The following EPHA5 variants were observed in gnomAD, a reference collection of about 807,000 sequenced individuals.
EPHA5 encodes ephrin type-A receptor 5.
EPHA5 carries 60 observed loss-of-function variants against 105.0 expected under a neutral mutation model. The observed-to-expected ratio is 0.57, with a 90% CI of 0.46 to 0.71. EPHA5 has a LOEUF of 0.71. EPHA5 is among the 30% of genes least tolerant of loss of function. The pLI, the probability that EPHA5 is intolerant of heterozygous loss-of-function variation, is 0.00. For missense variants in EPHA5, 1,218 were observed against 1,274.7 expected (o/e 0.96, Z 0.68); for synonymous variants, 513 against 449.1 (o/e 1.14, Z -1.80).
At chr4:65,535,907 C>T (rs1285359111) in intron 3 of EPHA5, among the ~76,000 whole-genome samples, 3 of 151,356 alleles carry the variant, frequency 2.0e-5, no homozygotes, top group African/African-American at 7.3e-5. Flanking sequence ...AGTAAGTTAC[C>T]CATTTAGGTA....
At position 65,388,262 on chromosome 4, in the gene EPHA5, G is replaced by A. The variant is rs906987321; in HGVS notation, c.1793+16112C>T. Among the ~76,000 whole-genome samples, 61 of 151,166 alleles carry A rather than the reference G, an allele frequency of 4.0e-4. 1 individual carries two copies. Among genetic ancestry groups the A allele is most frequent in the Admixed American group, 3.0e-3 (45 of 15,134 alleles). On this transcript the variant is annotated intron_variant, in intron 8 of 16. Coordinates refer to ENST00000613740, the MANE Select transcript of EPHA5 (RefSeq NM_001281766.3). The stretch of plus-strand genomic sequence containing the variant: ...TTCCAAGTCTTTGCTATTGTGAATA[G>A]TGCCACAATAAACATACGTGTGCAT...
At chr4:65,668,990 A>C (rs893708229) in intron 1 of EPHA5, among the ~76,000 whole-genome samples, 2 of 151,842 alleles carry the variant, frequency 1.3e-5, no homozygotes, top group South Asian at 4.2e-4. Context: ...ACGAGAAATA[A>C]AAGCTCCTGC....
chr4:65,393,648 C>T (rs1170750915), intron 8 of EPHA5, among the ~76,000 whole-genome samples: 1 of 152,176 alleles, frequency 6.6e-6, no homozygotes, highest in Non-Finnish European at 1.5e-5. Flanking sequence ...GTCTCAATTG[C>T]ATAACAGACA....
At chr4:65,397,525 AT>A (rs1721360580) in intron 8 of EPHA5, among the ~76,000 whole-genome samples, 1 of 152,114 alleles carries the variant, frequency 6.6e-6, no homozygotes, top group Non-Finnish European at 1.5e-5. Context: ...AACTGCCCCC[AT>A]ACAAGACTTA....
At chr4:65,546,229 T>C (rs1737358658) in intron 3 of EPHA5, among the ~76,000 whole-genome samples, 2 of 151,986 alleles carry the variant, frequency 1.3e-5, no homozygotes, top group African/African-American at 2.4e-5. Context: ...TCAATTCTCA[T>C]AATATTTCAG....
chr4:65,502,981 G>A (rs1732644964), intron 3 of EPHA5, among the ~76,000 whole-genome samples: 1 of 151,788 alleles, frequency 6.6e-6, no homozygotes, highest in South Asian at 2.1e-4. Context: ...GATGTGACTG[G>A]AAGCTATTAT....
At chr4:65,404,537 T>TA in intron 7 of EPHA5, 58 bp from the exon 8 acceptor site, 1 of 1,492,628 alleles carries the variant, frequency 6.7e-7, no homozygotes. Flanking sequence ...GCATTCAAAA[T>TA]AAAAGTTGCT....
chr4:65,448,120 C>A (rs1726731621), intron 5 of EPHA5, among the ~76,000 whole-genome samples: 1 of 150,610 alleles, frequency 6.6e-6, no homozygotes, highest in Non-Finnish European at 1.5e-5. Context: ...ATTTAAGAGA[C>A]AACAGAGAAG....
chr4:65,433,878 T>C (rs539356077), intron 5 of EPHA5, among the ~76,000 whole-genome samples: 26 of 152,036 alleles, frequency 1.7e-4, no homozygotes, highest in Non-Finnish European at 3.4e-4. Context: ...ACCCCGTCTC[T>C]AATAAAAATG....
chr4:65,420,874 T>C (rs978886687), intron 5 of EPHA5, among the ~76,000 whole-genome samples: 5 of 152,064 alleles, frequency 3.3e-5, no homozygotes, highest in African/African-American at 4.8e-5. Flanking sequence ...ATTTTATGTA[T>C]CTTCTACATT....
chr4:65,531,766 T>G (rs1333136663), intron 3 of EPHA5, among the ~76,000 whole-genome samples: 1 of 152,128 alleles, frequency 6.6e-6, no homozygotes, highest in Non-Finnish European at 1.5e-5. Context: ...ATGACAATGA[T>G]CCAGGAATCT....
intron 3 of EPHA5, among the ~76,000 whole-genome samples, chr4:65,516,743 C>A (rs1266345614): frequency 6.6e-6 from 1 of 152,104 alleles, no homozygotes; most frequent in South Asian, 2.1e-4. Context: ...AATCTATTTG[C>A]CTTTTATTTC....
intron 3 of EPHA5, among the ~76,000 whole-genome samples, chr4:65,593,206 CA>C (rs1416013248): frequency 2.0e-5 from 3 of 151,892 alleles, no homozygotes; most frequent in Non-Finnish European, 4.4e-5. Flanking sequence ...CTAATACTGT[CA>C]AAAATTAAAT....
chr4:65,421,967 C>G (rs148171507), intron 5 of EPHA5, among the ~76,000 whole-genome samples: 35 of 152,138 alleles, frequency 2.3e-4, no homozygotes, highest in Admixed American at 1.6e-3. Context: ...TTAATCAGTT[C>G]TTCAATAAAA....
Position 65,641,898 on chromosome 4 carries a change from T to A in EPHA5, c.246+1465A>T, listed in dbSNP as rs112748581. 2.8e-3 allele frequency among the ~76,000 whole-genome samples: 422 copies of A among 152,152 alleles called. 2 individuals carry two copies. In the Middle Eastern group the frequency reaches 0.031, roughly 11 times the overall value. On this transcript the variant is annotated intron_variant, in intron 2 of 16. Coordinates refer to ENST00000613740, the MANE Select transcript of EPHA5 (RefSeq NM_001281766.3). The stretch of plus-strand genomic sequence containing the variant: ...ATAATTTAAAAAATCCCACTCCCAA[T>A]ACAGAAGGATTATGTTTTTATAAAG...
intron 5 of EPHA5, among the ~76,000 whole-genome samples, chr4:65,449,637 G>A (rs1245816386): frequency 6.6e-6 from 1 of 152,134 alleles, no homozygotes; most frequent in African/African-American, 2.4e-5. Flanking sequence ...CCAAAAAGTA[G>A]TTGAAGTCCC....
rs2149436637 is a variant in EPHA5, at chr4:65,601,648, G to A, written c.903C>T (p.Thr301=). Residue 301 remains threonine (T), a synonymous_variant, in exon 3 of 17, where the codon ACC becomes ACT. Coordinates refer to ENST00000613740, the MANE Select transcript of EPHA5 (RefSeq NM_001281766.3). The part of the protein sequence containing the change: ...CKAGYEEKNG[T]CQVCRPGFFK... ...CTGGAGGCAAACTCTTACCTTGACA[G>A]GTGCCATTTTTCTCTTCATATCCTG... The A allele has an allele frequency of 6.2e-7, 1 of 1,612,604 alleles. No individual in the cohort carries two copies. Among genetic ancestry groups the A allele is most frequent in the East Asian group, 2.2e-5 (1 of 44,820 alleles).
At position 65,495,450 on chromosome 4, in the gene EPHA5, G is replaced by A. The variant is rs1212449572; in HGVS notation, c.1004C>T (p.Ser335Phe). Residue 335 changes from serine to phenylalanine, a missense_variant, in exon 4 of 17, where the codon TCT (serine) becomes TTT (phenylalanine). By Grantham distance (155) the Ser-to-Phe change is radical. Transcript: ENST00000613740. ...GAAATAATCCTTTTCACAGACACAAGAGGTTGAAGCTTCCTCATGGGTATA... is the reference window on the plus strand; with the variant it reads ...GAAATAATCCTTTTCACAGACACAAAAGGTTGAAGCTTCCTCATGGGTATA... The part of the protein sequence containing the change: ...HSYTHEEAST[S>F]CVCEKDYFRR... The A allele has an allele frequency of 1.2e-6, 2 of 1,613,922 alleles. No homozygotes were observed. The highest frequency in any genetic ancestry group is 2.2e-5 in the South Asian group (2 of 91,062).
intron 2 of EPHA5, among the ~76,000 whole-genome samples, chr4:65,615,028 G>A: frequency 6.6e-6 from 1 of 151,814 alleles, no homozygotes; most frequent in Middle Eastern, 3.4e-3. Context: ...TTATAAAACA[G>A]CAAAATATAC....
Sources: gnomAD v4.1 joint callset for allele counts (sites outside exome capture counted in the v4.1 genomes callset) on GRCh38, gnomAD v4.1.1 for gene constraint, MANE v1.5 for transcripts, NCBI Gene and HGNC (gene_info 2026-07-23, HGNC 2026-07-21) for gene names.